Variants in LRBA observed in about 807,000 individuals in gnomAD.
The protein encoded by LRBA is lipopolysaccharide-responsive and beige-like anchor protein.
LRBA carries 176 observed loss-of-function variants against 330.0 expected under a neutral mutation model. The observed-to-expected ratio is 0.53, with a 90% CI of 0.47 to 0.60. The LOEUF is 0.60. Ranked by LOEUF, LRBA falls within the 20% of genes least tolerant of loss-of-function variation. The pLI is 0.00. For missense variants in LRBA, 3,259 were observed against 3,444.8 expected (o/e 0.95, Z 1.35); for synonymous variants, 1,230 against 1,193.0 (o/e 1.03, Z -0.64).
At chr4:150,839,322 A>G (rs181176842) in intron 28 of LRBA, among the ~76,000 whole-genome samples, 10 of 152,356 alleles carry the variant, frequency 6.6e-5, no homozygotes, top group African/African-American at 2.2e-4. Flanking sequence ...TTGTGAAGAC[A>G]GTGTGGCGAT....
chr4:150,490,790 A>G (rs1399211201), intron 41 of LRBA, 128 bp downstream of exon 41: 1 of 464,160 alleles, frequency 2.2e-6, no homozygotes, highest in Non-Finnish European at 3.9e-6. Flanking sequence ...GTACAAAAAA[A>G]GAGGTCACTA....
chr4:150,649,532 G>C (rs751316965), intron 37 of LRBA, among the ~76,000 whole-genome samples: 1 of 152,078 alleles, frequency 6.6e-6, no homozygotes, highest in Non-Finnish European at 1.5e-5. Context: ...CCTATGTCAA[G>C]GATTCCCTGA....
At chr4:150,803,029 A>C (rs1003498264) in intron 33 of LRBA, among the ~76,000 whole-genome samples, 1 of 148,284 alleles carries the variant, frequency 6.7e-6, no homozygotes, top group Non-Finnish European at 1.5e-5. Context: ...CTCCAAAAAA[A>C]AAAAAAAAAA....
chr4:151,002,709 T>G (rs1743513583), intron 2 of LRBA, among the ~76,000 whole-genome samples: 1 of 149,530 alleles, frequency 6.7e-6, no homozygotes, highest in Non-Finnish European at 1.5e-5. Context: ...AAAAAAAAAA[T>G]CTGGTACTGA....
intron 35 of LRBA, among the ~76,000 whole-genome samples, chr4:150,758,469 T>A (rs1410411212): frequency 2.0e-5 from 3 of 152,088 alleles, no homozygotes; most frequent in Non-Finnish European, 2.9e-5. Flanking sequence ...AATAGGTTCA[T>A]AATCCTACCA....
chr4:150,614,718 G>C (rs1049734385), intron 37 of LRBA, among the ~76,000 whole-genome samples: 22 of 152,056 alleles, frequency 1.4e-4, no homozygotes, highest in African/African-American at 5.3e-4. Context: ...AAAGAACATA[G>C]GAAAGGTCCA....
intron 40 of LRBA, among the ~76,000 whole-genome samples, chr4:150,541,317 A>C (rs1765297729): frequency 6.6e-6 from 1 of 152,174 alleles, no homozygotes; most frequent in African/African-American, 2.4e-5. Flanking sequence ...TCTTGCTGGC[A>C]AAAAATATAC....
chr4:150,502,253 G>C lies in LRBA; in HGVS notation c.6331-11218C>G, dbSNP rs145011385. Among the ~76,000 whole-genome samples the C allele has an allele frequency of 2.6e-5, 4 of 152,306 alleles. No individual in the cohort carries two copies. The East Asian group carries it at 7.7e-4, about 29-fold the overall frequency. The stretch of plus-strand genomic sequence containing the variant: ...GGAGCACTGTAGAGACTACTCAAAA[G>C]GGTTTTGCCACAGAAGTGGGGGAAA... On this transcript the variant is annotated intron_variant, in intron 40 of 56. Coordinates refer to ENST00000651943, the MANE Select transcript of LRBA (RefSeq NM_001364905.1).
intron 48 of LRBA, among the ~76,000 whole-genome samples, chr4:150,333,010 C>T (rs978715612): frequency 6.6e-6 from 1 of 151,552 alleles, no homozygotes; most frequent in East Asian, 1.9e-4. Context: ...GAAAAAGAGA[C>T]AATATATATA....
intron 37 of LRBA, among the ~76,000 whole-genome samples, chr4:150,607,447 G>C (rs1774766618): frequency 6.6e-6 from 1 of 151,748 alleles, no homozygotes. Flanking sequence ...GAAGTTAGAA[G>C]ATAAAGATGC....
intron 40 of LRBA, among the ~76,000 whole-genome samples, chr4:150,556,953 AG>A (rs754300580): frequency 2.3e-4 from 35 of 152,224 alleles, no homozygotes; most frequent in Non-Finnish European, 4.6e-4. Flanking sequence ...CAATTACCAA[AG>A]AAAGATAATT....
rs1560747495 is a variant in LRBA, at chr4:150,735,252, A to C, written c.5754+6T>G. The C allele has an allele frequency of 6.2e-7, 1 of 1,605,468 alleles. No individual in the cohort carries two copies. Among genetic ancestry groups the C allele is most frequent in the Admixed American group, 1.7e-5 (1 of 59,970 alleles). On this transcript the variant is annotated splice_donor_region_variant and intron_variant, in intron 36 of 56. Transcript: ENST00000651943. The stretch of plus-strand genomic sequence containing the variant: ...CTTCCGCACACCAACCATATGTGTA[A>C]CCTACCTCAAATTCCGCATGTCTGT...
intron 34 of LRBA, 46 bp from the exon 35 acceptor site, chr4:150,761,893 G>T: frequency 1.1e-6 from 1 of 949,844 alleles, no homozygotes; most frequent in South Asian, 1.6e-5. Flanking sequence ...TCACTCAGTA[G>T]GTTCTTTCTT....
intron 53 of LRBA, among the ~76,000 whole-genome samples, chr4:150,297,039 T>G (rs4696085): frequency 0.086 from 13,151 of 152,094 alleles, 912 homozygotes; most frequent in South Asian, 0.23. Context: ...ATTTCCCATA[T>G]GAGCATAAAG....
At chr4:150,550,899 T>C (rs980198164) in intron 40 of LRBA, among the ~76,000 whole-genome samples, 1 of 152,178 alleles carries the variant, frequency 6.6e-6, no homozygotes, top group Non-Finnish European at 1.5e-5. Flanking sequence ...ATCTCTGTTG[T>C]GTTATAAAAT....
chr4:150,812,358 G>A (rs139875898), intron 31 of LRBA, among the ~76,000 whole-genome samples: 9 of 152,202 alleles, frequency 5.9e-5, no homozygotes, highest in Non-Finnish European at 1.2e-4. Context: ...AGAACAAAAA[G>A]GAAAATGCAA....
chr4:150,951,243 T>C (rs771575731), intron 2 of LRBA, among the ~76,000 whole-genome samples: 31 of 152,080 alleles, frequency 2.0e-4, no homozygotes, highest in Non-Finnish European at 3.7e-4. Flanking sequence ...CCGGATTAAT[T>C]CCAAAAAAAG....
intron 40 of LRBA, among the ~76,000 whole-genome samples, chr4:150,570,240 G>T (rs1465257988): frequency 6.6e-6 from 1 of 151,858 alleles, no homozygotes; most frequent in African/African-American, 2.4e-5. Context: ...TTCCTTCCAA[G>T]TTCTTTTGGA....
chr4:150,714,029 G>A (rs797018746), intron 36 of LRBA, among the ~76,000 whole-genome samples: 1 of 152,226 alleles, frequency 6.6e-6, no homozygotes, highest in African/African-American at 2.4e-5. Context: ...GTCGATCAAC[G>A]TTTCTGATGC....
Sources: allele counts gnomAD v4.1 joint callset (sites outside exome capture counted in the v4.1 genomes callset), GRCh38; gene constraint gnomAD v4.1.1; transcripts MANE v1.5; gene names NCBI Gene and HGNC (gene_info 2026-07-23, HGNC 2026-07-21).